MAST4: variants seen among roughly 807,000 people sequenced by gnomAD.
MAST4 encodes microtubule associated serine/threonine kinase family member 4, also known as microtubule-associated serine/threonine-protein kinase 4.
MAST4 carries 89 observed loss-of-function variants against 162.7 expected under a neutral mutation model. The ratio of observed to expected loss-of-function variants is 0.55; its 90% CI spans 0.46 to 0.65. The LOEUF (loss-of-function observed/expected upper bound fraction) is 0.65. Ranked by LOEUF, MAST4 falls within the 30% of genes least tolerant of loss-of-function variation. MAST4 has a pLI of 0.00. For missense variants in MAST4, 3,153 were observed against 3,374.0 expected, an observed-to-expected ratio of 0.93 and a Z score of 1.62; for synonymous variants, 1,479 against 1,361.1, an observed-to-expected ratio of 1.09 and a Z score of -1.91.
At position 66,815,003 on chromosome 5, in the gene MAST4, T is replaced by C. The variant is rs144434445; in HGVS notation, c.642+26209T>C. Among the ~76,000 whole-genome samples, 10 of 152,306 alleles carry C rather than the reference T, an allele frequency of 6.6e-5. No homozygotes were observed. In the East Asian group the frequency reaches 1.5e-3, roughly 23 times the overall value. ...TGAATTATGTTCTGAAAATGGTGCA[T>C]ACTTGAGCTAGAGGGATTCCTACCA... On this transcript the variant is annotated intron_variant, in intron 3 of 28. Coordinates refer to ENST00000403625, the MANE Select transcript of MAST4 (RefSeq NM_001164664.2).
intron 1 of MAST4, among the ~76,000 whole-genome samples, chr5:66,600,888 G>A (rs2149381649): frequency 6.6e-6 from 1 of 152,322 alleles, no homozygotes. Flanking sequence ...TAGTAAGTAA[G>A]AGGATTTCCA....
chr5:66,611,772 A>G (rs1743304906), intron 1 of MAST4, among the ~76,000 whole-genome samples: 1 of 152,246 alleles, frequency 6.6e-6, no homozygotes, highest in African/African-American at 2.4e-5. Context: ...TTGTTAAAAT[A>G]CTGTTACCTG....
intron 1 of MAST4, among the ~76,000 whole-genome samples, chr5:66,715,526 G>C (rs188038001): frequency 1.4e-4 from 18 of 132,160 alleles, no homozygotes; most frequent in Non-Finnish European, 2.6e-4. Context: ...GTTGTGGGGT[G>C]GGGGGAGGGG....
intron 4 of MAST4, among the ~76,000 whole-genome samples, chr5:67,017,723 C>G (rs1332257935): frequency 6.6e-6 from 1 of 151,374 alleles, no homozygotes; most frequent in African/African-American, 2.4e-5. Context: ...CCTGCCTCGG[C>G]CTCCCGAGTA....
At chr5:66,657,871 C>T (rs1746652476) in intron 1 of MAST4, among the ~76,000 whole-genome samples, 1 of 152,134 alleles carries the variant, frequency 6.6e-6, no homozygotes, top group Admixed American at 6.6e-5. Flanking sequence ...GGTTGGGAGA[C>T]AGCAAAGCAG....
intron 3 of MAST4, among the ~76,000 whole-genome samples, chr5:66,809,157 C>G (rs973184418): frequency 3.9e-5 from 6 of 152,170 alleles, no homozygotes; most frequent in Non-Finnish European, 7.3e-5. Context: ...AACAGAACTT[C>G]CCCTCAGCCA....
intron 13 of MAST4, among the ~76,000 whole-genome samples, chr5:67,119,528 G>C (rs1030738929): frequency 1.3e-5 from 2 of 152,046 alleles, no homozygotes; most frequent in Admixed American, 1.3e-4. Flanking sequence ...TCTACCAGCT[G>C]GGGGGTGGGG....
intron 1 of MAST4, among the ~76,000 whole-genome samples, chr5:66,616,602 G>A (rs1482511512): frequency 1.3e-5 from 2 of 152,028 alleles, no homozygotes; most frequent in African/African-American, 4.8e-5. Flanking sequence ...AGGGTGAAGG[G>A]CTTCTCTTCT....
intron 4 of MAST4, chr5:66,930,823 A>G: frequency 2.1e-6 from 1 of 470,000 alleles, no homozygotes; most frequent in South Asian, 1.6e-5. Flanking sequence ...AGGATTACAC[A>G]GTGCTGGACC....
intron 4 of MAST4, among the ~76,000 whole-genome samples, chr5:67,005,398 T>C (rs940584783): frequency 6.6e-6 from 1 of 152,214 alleles, no homozygotes; most frequent in African/African-American, 2.4e-5. Context: ...TCTGTCCCTT[T>C]GACCTGATCA....
intron 9 of MAST4, among the ~76,000 whole-genome samples, chr5:67,103,690 A>C (rs1765280702): frequency 6.6e-6 from 1 of 152,238 alleles, no homozygotes; most frequent in Non-Finnish European, 1.5e-5. Flanking sequence ...GCTTTGTGGC[A>C]AAAGAAGATG....
intron 4 of MAST4, among the ~76,000 whole-genome samples, chr5:67,053,416 C>T (rs917988093): frequency 3.3e-5 from 5 of 152,074 alleles, no homozygotes; most frequent in Admixed American, 3.3e-4. Context: ...GCAATAAACT[C>T]CTAATGGTGG....
intron 4 of MAST4, among the ~76,000 whole-genome samples, chr5:66,939,718 A>G (rs1447483617): frequency 6.6e-6 from 1 of 152,084 alleles, no homozygotes; most frequent in Non-Finnish European, 1.5e-5. Context: ...TTTGTATACA[A>G]GATACCTCAG....
chr5:66,862,554 A>G (rs1346676409), intron 3 of MAST4, among the ~76,000 whole-genome samples: 1 of 152,216 alleles, frequency 6.6e-6, no homozygotes, highest in Non-Finnish European at 1.5e-5. Context: ...TCATTGACCG[A>G]TGGATATAAT....
chr5:67,038,526 C>T (rs1157690786), intron 4 of MAST4, among the ~76,000 whole-genome samples: 1 of 152,088 alleles, frequency 6.6e-6, no homozygotes, highest in Non-Finnish European at 1.5e-5. Flanking sequence ...AACAAGTTAC[C>T]TTAAAACAAG....
Position 66,701,793 on chromosome 5 carries a change from T to TCATATCAACCTTATAGGTTATA in MAST4, c.364-57915_364-57894dup, listed in dbSNP as rs529138345. Among the ~76,000 whole-genome samples the TCATATCAACCTTATAGGTTATA allele has an allele frequency of 7.4e-4, 113 of 152,034 alleles. 1 individual carries two copies. The East Asian group carries it at 0.021, about 29-fold the overall frequency. On this transcript the variant is annotated intron_variant, in intron 1 of 28. Coordinates refer to ENST00000403625, the MANE Select transcript of MAST4 (RefSeq NM_001164664.2). ...TTATTTTATCAAATGGAAATGATGATCATATCAACCTTATAGGTTATAGGA... is the reference window on the plus strand; with the variant it reads ...TTATTTTATCAAATGGAAATGATGATCATATCAACCTTATAGGTTATACATATCAACCTTATAGGTTATAGGA...
intron 3 of MAST4, among the ~76,000 whole-genome samples, chr5:66,796,720 G>A (rs1430242775): frequency 6.6e-6 from 1 of 152,124 alleles, no homozygotes; most frequent in Admixed American, 6.5e-5. Flanking sequence ...GCATGTTAGA[G>A]CTTATTTATT....
intron 3 of MAST4, among the ~76,000 whole-genome samples, chr5:66,790,217 G>C (rs1021981967): frequency 6.6e-6 from 1 of 151,934 alleles, no homozygotes; most frequent in African/African-American, 2.4e-5. Flanking sequence ...TGGATATTTG[G>C]AAATAATGCA....
intron 4 of MAST4, among the ~76,000 whole-genome samples, chr5:66,991,632 A>T (rs984314713): frequency 4.6e-5 from 7 of 152,200 alleles, no homozygotes; most frequent in Admixed American, 2.0e-4. Flanking sequence ...GGACAAAATC[A>T]CTGGATGGAT....
Sources: allele counts gnomAD v4.1 joint callset (sites outside exome capture counted in the v4.1 genomes callset), GRCh38; gene constraint gnomAD v4.1.1; transcripts MANE v1.5; gene names NCBI Gene and HGNC (gene_info 2026-07-23, HGNC 2026-07-21).